ZNF347: variants seen among roughly 807,000 people sequenced by gnomAD.
The protein encoded by ZNF347 is zinc finger protein 347, also known as CTD-2620I22.7.
Under a neutral mutation model 12.9 loss-of-function variants are expected in ZNF347, and 19 were observed. That is an observed-to-expected ratio of 1.47 (90% CI 1.03 to 2.16). ZNF347 has a LOEUF of 2.16. Ranked by LOEUF, ZNF347 falls within the 30% of genes most tolerant of loss-of-function variation. ZNF347 has a pLI of 0.00. For missense variants in ZNF347, 1,005 were observed against 990.6 expected, an observed-to-expected ratio of 1.01 and a Z score of -0.19; for synonymous variants, 328 against 340.6, an observed-to-expected ratio of 0.96 and a Z score of 0.41.
At chr19:53,149,621 G>A (rs2090485083) in intron 2 of ZNF347, 2 of 563,184 alleles carry the variant, frequency 3.6e-6, no homozygotes, top group Middle Eastern at 6.5e-4. Flanking sequence ...AGAATGGCGG[G>A]GTGGTCACCA....
intron 1 of ZNF347, among the ~76,000 whole-genome samples, chr19:53,154,956 A>C (rs1009025632): frequency 6.7e-6 from 1 of 148,610 alleles, no homozygotes; most frequent in African/African-American, 2.5e-5. Context: ...TTTTTTTTTG[A>C]GATGAAGTCT....
chr19:53,151,886 A>G (rs576743373), intron 2 of ZNF347, among the ~76,000 whole-genome samples: 1 of 152,238 alleles, frequency 6.6e-6, no homozygotes, highest in South Asian at 2.1e-4. Flanking sequence ...CGAGGTCAGG[A>G]GTTCGAGACC....
chr19:53,140,453 G>C lies in ZNF347; in HGVS notation c.2375C>G (p.Pro792Arg), dbSNP rs759534937. The C allele has an allele frequency of 1.9e-6, 3 of 1,613,972 alleles. No homozygotes were observed. In the South Asian group the frequency reaches 3.3e-5, roughly 18 times the overall value. Residue 792 changes from proline to arginine, a missense_variant, in exon 5 of 5, where the codon CCA becomes CGA. Transcript: ENST00000334197. ...ACTAAAGGGTTTCCCACACTCATAT[G>C]GTTTCTCTCCGGTATGAATTCTCTG... ...RHQRIHTGEKPYECGKPFSIC... is the reference protein window; with the variant it reads ...RHQRIHTGEKRYECGKPFSIC...
Position 53,140,790 on chromosome 19 carries a change from G to A in ZNF347, c.2038C>T (p.Pro680Ser), listed in dbSNP as rs1305409857. 6.2e-7 allele frequency: 1 copy of A among 1,613,254 alleles called. No individual in the cohort carries two copies. The highest frequency in any genetic ancestry group is 8.5e-7 in the Non-Finnish European group (1 of 1,179,648). ...RHRRVHTGGKPYQCNECGKAF... is the reference protein window; with the variant it reads ...RHRRVHTGGKSYQCNECGKAF... ...TTGCCACATTCATTACACTGGTAAG[G>A]TTTACCTCCAGTATGAACTCTCCGA... Residue 680 changes from proline (P) to serine (S), a missense_variant, in exon 5 of 5, where the codon CCT (proline) becomes TCT (serine). Coordinates refer to ENST00000334197, the MANE Select transcript of ZNF347 (RefSeq NM_032584.3).
At chr19:53,146,362 AC>A (rs1348210629) in intron 4 of ZNF347, among the ~76,000 whole-genome samples, 6 of 151,408 alleles carry the variant, frequency 4.0e-5, no homozygotes. Context: ...GCAGCCTTGA[AC>A]TCCTGGGTTT....
chr19:53,146,817 A>G (rs1337128909), intron 4 of ZNF347, among the ~76,000 whole-genome samples: 3 of 152,288 alleles, frequency 2.0e-5, no homozygotes, highest in South Asian at 2.1e-4. Flanking sequence ...AGATTGAAAC[A>G]TGAAGAAATA....
chr19:53,153,663 C>A, intron 2 of ZNF347, 70 bp downstream of exon 2: 2 of 1,586,366 alleles, frequency 1.3e-6, no homozygotes, highest in Non-Finnish European at 1.7e-6. Flanking sequence ...AGAGAAGATT[C>A]CCAACTTCAA....
In ZNF347 at chr19:53,141,448, A is replaced by G; in HGVS notation, c.1380T>C (p.His460=). The change falls in exon 5 of 5, where the codon CAT becomes CAC. Residue 460 remains histidine, a synonymous_variant. Coordinates refer to ENST00000334197, the MANE Select transcript of ZNF347 (RefSeq NM_032584.3). The part of the protein sequence containing the change: ...IHTGEKPYKC[H]ECGKVFRRNS... ...TACGCCTAAAGACCTTGCCGCATTC[A>G]TGACATTTGTAAGGCTTTTCTCCGG... 2 of 1,613,730 alleles carry G rather than the reference A, an allele frequency of 1.2e-6. No homozygotes were observed. The highest frequency in any genetic ancestry group is 2.2e-5 in the East Asian group (1 of 44,834).
intron 1 of ZNF347, among the ~76,000 whole-genome samples, chr19:53,158,117 G>A (rs911416867): frequency 1.3e-5 from 2 of 152,230 alleles, no homozygotes; most frequent in African/African-American, 2.4e-5. Context: ...TCTTGGAGGA[G>A]CGCATTTTCC....
chr19:53,137,326 TG>T lies in ZNF347; in HGVS notation c.*2981del, dbSNP rs2090393001. The T allele has an allele frequency of 6.6e-6, 1 of 152,226 alleles. No individual in the cohort carries two copies. Among genetic ancestry groups the T allele is most frequent in the Non-Finnish European group, 1.5e-5 (1 of 68,046 alleles). The allele number at this position is 152,226 out of a possible 1,614,324, so 9.4% of individuals were successfully genotyped here. A position where few individuals can be genotyped will look rare whatever the true frequency, so the allele number is the denominator to read the frequency against. On this transcript the variant is annotated 3_prime_UTR_variant, in exon 5 of 5. Transcript: ENST00000334197. Reference sequence around the variant, plus strand: ...TCTTATTCTGCCCATCTGGCCAAGCTGATAATGTCCGTGTTCCCTCCTTTGG... The same window carrying T: ...TCTTATTCTGCCCATCTGGCCAAGCTATAATGTCCGTGTTCCCTCCTTTGG...
In ZNF347 at chr19:53,142,054, T is replaced by G. The variant is rs2090432266; in HGVS notation, c.774A>C (p.Gly258=). Residue 258 remains glycine (G), a synonymous_variant, in exon 5 of 5, where the codon GGA becomes GGC. Coordinates refer to ENST00000334197, the MANE Select transcript of ZNF347 (RefSeq NM_032584.3). The part of the protein sequence containing the change: ...LTQGQKANNW[G]SPYKSNGCGM... Reference sequence around the variant, plus strand: ...CACATCCATTAGATTTGTAAGGGCTTCCCCAATTATTTGCTTTTTGCCCCT... The same window carrying G: ...CACATCCATTAGATTTGTAAGGGCTGCCCCAATTATTTGCTTTTTGCCCCT... The G allele has an allele frequency of 1.2e-6, 2 of 1,613,520 alleles. No homozygotes were observed. Among genetic ancestry groups the G allele is most frequent in the African/African-American group, 2.7e-5 (2 of 74,866 alleles).
In ZNF347 at chr19:53,148,650, C is replaced by T. The variant is rs10406057; in HGVS notation, c.271+31G>A. 4,614 of 1,592,900 alleles carry T rather than the reference C, an allele frequency of 2.9e-3. 112 individuals carry two copies. The African/African-American group carries it at 0.053, about 18-fold the overall frequency. On this transcript the variant is annotated intron_variant, in intron 4 of 4. Transcript: ENST00000334197. ...AGTTTCCCAAACACTATTTAATAAA[C>T]GGCATTTTCTCTACCCATCTGAACT...
chr19:53,140,910 G>C lies in ZNF347; in HGVS notation c.1918C>G (p.Leu640Val). ...GTATGGATGACCTGATGGGTAGTTA[G>C]GTTTGAATGTTCACTAAAGGCTTTG... The part of the protein sequence containing the change: ...YGKAFSEHSN[L>V]TTHQVIHTGE... Residue 640 changes from leucine to valine, a missense_variant, in exon 5 of 5, where the codon CTA (leucine) becomes GTA (valine). Coordinates refer to ENST00000334197, the MANE Select transcript of ZNF347 (RefSeq NM_032584.3). 1.9e-6 allele frequency: 3 copies of C among 1,613,504 alleles called. No homozygotes were observed. Among genetic ancestry groups the C allele is most frequent in the Non-Finnish European group, 2.5e-6 (3 of 1,179,906 alleles).
At chr19:53,158,343 C>G (rs2090549096) in intron 1 of ZNF347, among the ~76,000 whole-genome samples, 1 of 152,152 alleles carries the variant, frequency 6.6e-6, no homozygotes, top group Non-Finnish European at 1.5e-5. Context: ...CGCGGCCTCG[C>G]CGGTACCGGG....
At chr19:53,157,523 C>T (rs1031289226) in intron 1 of ZNF347, among the ~76,000 whole-genome samples, 2 of 152,074 alleles carry the variant, frequency 1.3e-5, no homozygotes. Context: ...CTGTTCTGTC[C>T]CATTCTGGGG....
intron 1 of ZNF347, among the ~76,000 whole-genome samples, chr19:53,156,047 G>GT (rs2090532175): frequency 1.8e-5 from 2 of 108,534 alleles, no homozygotes; most frequent in African/African-American, 3.3e-5. Context: ...TCCCAGCTCG[G>GT]GGGGGGGGGG....
At chr19:53,145,925 A>G (rs1349275257) in intron 4 of ZNF347, among the ~76,000 whole-genome samples, 1 of 152,022 alleles carries the variant, frequency 6.6e-6, no homozygotes, top group African/African-American at 2.4e-5. Flanking sequence ...TAACCAAAAT[A>G]AAGACTAAAA....
intron 1 of ZNF347, among the ~76,000 whole-genome samples, chr19:53,154,395 T>A (rs1340005473): frequency 1.3e-5 from 2 of 151,862 alleles, no homozygotes; most frequent in Non-Finnish European, 2.9e-5. Context: ...GAGGCCTAGA[T>A]GCTGGATCTA....
intron 1 of ZNF347, among the ~76,000 whole-genome samples, chr19:53,155,336 T>TGTGTGTGTGTG (rs1221175675): frequency 9.8e-5 from 11 of 111,762 alleles, no homozygotes; most frequent in African/African-American, 3.6e-4. Flanking sequence ...GTGTGTGTGT[T>TGTGTGTGTGTG]TGTTTTTTGT....
Sources: allele counts gnomAD v4.1 joint callset (sites outside exome capture counted in the v4.1 genomes callset), GRCh38; gene constraint gnomAD v4.1.1; transcripts MANE v1.5; gene names NCBI Gene and HGNC (gene_info 2026-07-23, HGNC 2026-07-21).